CLASP2: variants seen among roughly 807,000 people sequenced by gnomAD.
CLASP2 encodes the protein CLIP-associating protein 2.
CLASP2 carries 47 observed loss-of-function variants against 194.4 expected under a neutral mutation model. The observed-to-expected ratio is 0.24, with a 90% CI of 0.19 to 0.31. The LOEUF is 0.31. CLASP2 is among the 10% of genes least tolerant of loss of function. The pLI is 1.00. For missense variants in CLASP2, 1,445 were observed against 1,823.6 expected (o/e 0.79, Z 3.78); for synonymous variants, 619 against 633.5 (o/e 0.98, Z 0.34).
At chr3:33,659,417 A>G (rs1291054677) in intron 7 of CLASP2, 3 of 1,007,598 alleles carry the variant, frequency 3.0e-6, no homozygotes, top group Non-Finnish European at 3.5e-6. Flanking sequence ...GCTTCCCTAA[A>G]GATATCCATG....
chr3:33,533,058 A>C (rs986416347), intron 34 of CLASP2, among the ~76,000 whole-genome samples: 2 of 152,238 alleles, frequency 1.3e-5, no homozygotes, highest in Non-Finnish European at 2.9e-5. Context: ...TTTATAGTAC[A>C]ATCAAGGCAA....
chr3:33,636,807 G>C (rs936112158), intron 8 of CLASP2, among the ~76,000 whole-genome samples: 1 of 152,064 alleles, frequency 6.6e-6, no homozygotes, highest in Non-Finnish European at 1.5e-5. Flanking sequence ...TACCATATTG[G>C]CCAGGCTGGT....
chr3:33,640,357 G>A (rs1468641586), intron 8 of CLASP2, among the ~76,000 whole-genome samples: 3 of 152,058 alleles, frequency 2.0e-5, no homozygotes, highest in Non-Finnish European at 4.4e-5. Flanking sequence ...TAAATCTCAG[G>A]TTAGACATAA....
At chr3:33,677,055 C>A (rs569614678) in intron 6 of CLASP2, among the ~76,000 whole-genome samples, 156 of 152,078 alleles carry the variant, frequency 1.0e-3, no homozygotes, top group African/African-American at 3.6e-3. Context: ...CAGGAAACAA[C>A]AGGTGCTGGA....
At chr3:33,657,135 CAAAA>C (rs2084385491) in intron 7 of CLASP2, among the ~76,000 whole-genome samples, 1 of 150,798 alleles carries the variant, frequency 6.6e-6, no homozygotes, top group Non-Finnish European at 1.5e-5. Context: ...CGTAAATAAA[CAAAA>C]AACATCAGGT....
chr3:33,661,741 A>G (rs1293842449), intron 7 of CLASP2, among the ~76,000 whole-genome samples: 1 of 152,210 alleles, frequency 6.6e-6, no homozygotes, highest in Non-Finnish European at 1.5e-5. Context: ...AGGAGAGATG[A>G]ATGATGGCTA....
At chr3:33,711,405 C>G (rs1013370389) in intron 1 of CLASP2, among the ~76,000 whole-genome samples, 1 of 151,610 alleles carries the variant, frequency 6.6e-6, no homozygotes, top group Non-Finnish European at 1.5e-5. Context: ...ACCACCATAC[C>G]TGGCTAATTT....
intron 18 of CLASP2, among the ~76,000 whole-genome samples, chr3:33,602,087 C>G (rs1236379228): frequency 6.7e-6 from 1 of 150,348 alleles, no homozygotes. Context: ...GATTTTGGCT[C>G]ACTGCAACCT....
At chr3:33,636,114 T>C (rs2080092095) in intron 8 of CLASP2, among the ~76,000 whole-genome samples, 1 of 151,954 alleles carries the variant, frequency 6.6e-6, no homozygotes, top group Admixed American at 6.6e-5. Context: ...TCCTGGTGGA[T>C]AAAGAAAAGG....
intron 7 of CLASP2, among the ~76,000 whole-genome samples, chr3:33,647,941 G>A (rs992729266): frequency 3.3e-5 from 5 of 152,054 alleles, no homozygotes; most frequent in East Asian, 1.9e-4. Context: ...GCTGAGGCAG[G>A]AGAATGGCGT....
chr3:33,516,953 G>A (rs2051509648), intron 35 of CLASP2, 28 bp downstream of exon 35: 2 of 1,571,116 alleles, frequency 1.3e-6, no homozygotes, highest in Non-Finnish European at 1.7e-6. Flanking sequence ...GGAAGGAAAG[G>A]CTACTGTTTA....
chr3:33,586,832 C>T (rs551967812), intron 21 of CLASP2, among the ~76,000 whole-genome samples: 1 of 152,134 alleles, frequency 6.6e-6, no homozygotes, highest in South Asian at 2.1e-4. Flanking sequence ...TCCACAGAGA[C>T]TCAAATGCCA....
At chr3:33,614,890 C>CT (rs1220164447) in intron 12 of CLASP2, among the ~76,000 whole-genome samples, 2 of 152,068 alleles carry the variant, frequency 1.3e-5, no homozygotes, top group Non-Finnish European at 2.9e-5. Flanking sequence ...ACTTGGGAGG[C>CT]TGAGGCAGAA....
intron 30 of CLASP2, 121 bp downstream of exon 30, chr3:33,551,131 A>T: frequency 1.3e-6 from 1 of 757,798 alleles, no homozygotes. Flanking sequence ...TTTTTTAAAA[A>T]GCTCTTCATA....
At chr3:33,543,331 C>G (rs763305853) in intron 32 of CLASP2, 102 bp downstream of exon 32, 1 of 763,156 alleles carries the variant, frequency 1.3e-6, no homozygotes, top group Non-Finnish European at 2.2e-6. Context: ...TGAGATCACA[C>G]CACCACACTC....
intron 30 of CLASP2, among the ~76,000 whole-genome samples, chr3:33,549,742 C>CT (rs139359537): frequency 0.27 from 37,790 of 142,204 alleles, 5,273 homozygotes; most frequent in Admixed American, 0.39. Flanking sequence ...TACTTTTTTT[C>CT]TTTTTTTTTT....
rs2051242035 is a variant in CLASP2 at position 33,516,101 on chromosome 3, A to G, written c.4032T>C (p.His1344=). 6.2e-7 allele frequency: 1 copy of G among 1,609,916 alleles called. No homozygotes were observed. The change falls in exon 36 of 39, where the codon CAT becomes CAC. Residue 1344 remains histidine, a synonymous_variant. Transcript: ENST00000682230. ...ALKVLREILR[H]QPARFKNYAE... is the part of the protein sequence containing the mutation. ...CATAGTTTTTAAATCTTGCTGGTTG[A>G]TGCCTTAGGATTTCTCTTAAAACCT...
chr3:33,515,409 T>C (rs1575723271), intron 36 of CLASP2, among the ~76,000 whole-genome samples: 1 of 152,170 alleles, frequency 6.6e-6, no homozygotes, highest in African/African-American at 2.4e-5. Context: ...GCAACAGATA[T>C]ATAGCTCCTC....
At chr3:33,548,451 C>G (rs970778579) in intron 30 of CLASP2, among the ~76,000 whole-genome samples, 2 of 152,068 alleles carry the variant, frequency 1.3e-5, no homozygotes, top group Non-Finnish European at 2.9e-5. Flanking sequence ...GTGCGTGCCA[C>G]CACACTCAGC....
Sources: gnomAD v4.1 joint callset for allele counts (sites outside exome capture counted in the v4.1 genomes callset) on GRCh38, gnomAD v4.1.1 for gene constraint, MANE v1.5 for transcripts, NCBI Gene and HGNC (gene_info 2026-07-23, HGNC 2026-07-21) for gene names.